The following ZFPM1 variants were observed in gnomAD, a reference collection of about 807,000 sequenced individuals.
ZFPM1 encodes the protein zinc finger protein, FOG family member 1.
ZFPM1 carries 28 observed loss-of-function variants against 46.3 expected under a neutral mutation model. The ratio of observed to expected loss-of-function variants is 0.60; its 90% CI spans 0.45 to 0.83. The LOEUF (loss-of-function observed/expected upper bound fraction) is 0.83. ZFPM1 is among the 40% of genes least tolerant of loss of function. The pLI is 0.00. For missense variants in ZFPM1, 1,878 were observed against 1,432.4 expected (o/e 1.31, Z -5.02); for synonymous variants, 957 against 675.9 (o/e 1.42, Z -6.45).
chr16:88,499,837 T>G (rs1200256586), intron 3 of ZFPM1, among the ~76,000 whole-genome samples: 3 of 152,160 alleles, frequency 2.0e-5, no homozygotes, highest in Non-Finnish European at 2.9e-5. Context: ...CCATCCAGCC[T>G]CTCCGGGTCC....
chr16:88,464,611 C>A (rs567798259), intron 1 of ZFPM1, among the ~76,000 whole-genome samples: 33 of 152,246 alleles, frequency 2.2e-4, no homozygotes, highest in African/African-American at 8.0e-4. Flanking sequence ...CCCCTACCCC[C>A]GCCATGGCAA....
chr16:88,534,420 C>A lies in ZFPM1; in HGVS notation c.2462C>A (p.Ala821Asp), dbSNP rs1364512367. The A allele has an allele frequency of 6.7e-7, 1 of 1,491,360 alleles. No individual in the cohort carries two copies. Among genetic ancestry groups the A allele is most frequent in the Non-Finnish European group, 8.9e-7 (1 of 1,127,692 alleles). The allele number at this position is 1,491,360 out of a possible 1,614,324, so 92.4% of individuals were successfully genotyped here. A position where few individuals can be genotyped will look rare whatever the true frequency, so the allele number is the denominator to read the frequency against. Residue 821 changes from alanine to aspartate, a missense_variant, in exon 10 of 10, where the codon GCC (alanine) becomes GAC (aspartate). By Grantham distance (126) the Ala-to-Asp change is moderately radical. Transcript: ENST00000319555. Reference sequence around the variant, plus strand: ...CTGGCCGACTACCACGAGTGCACGGCCTGCCGCGTGAGCTTCCACAGCCTC... The same window carrying A: ...CTGGCCGACTACCACGAGTGCACGGACTGCCGCGTGAGCTTCCACAGCCTC... ...PALADYHECTACRVSFHSLEA... is the reference protein window; with the variant it reads ...PALADYHECTDCRVSFHSLEA...
rs551300827 is a variant in ZFPM1 at position 88,471,295 on chromosome 16, G to T, written c.41-14644G>T. 2.6e-5 allele frequency among the ~76,000 whole-genome samples: 4 copies of T among 152,268 alleles called. No individual in the cohort carries two copies. The South Asian group carries it at 6.2e-4, about 24-fold the overall frequency. On this transcript the variant is annotated intron_variant, in intron 1 of 9. Transcript: ENST00000319555. The surrounding 1 kb of genome is among the most constrained non-coding windows in gnomAD (Gnocchi z 4.1). ...GACCTCCACCCTCGCGAAGGCCAGC[G>T]GCCGCAGGGTCTGGCTTGGGCTATA...
chr16:88,528,472 C>A (rs564348224), intron 6 of ZFPM1, among the ~76,000 whole-genome samples: 1 of 152,332 alleles, frequency 6.6e-6, no homozygotes, highest in South Asian at 2.1e-4. Flanking sequence ...AGCAGGCAAG[C>A]GGGCTTAGGC....
chr16:88,456,945 C>A (rs1435008532), intron 1 of ZFPM1, among the ~76,000 whole-genome samples: 1 of 152,188 alleles, frequency 6.6e-6, no homozygotes, highest in Non-Finnish European at 1.5e-5. Flanking sequence ...GAGGGAGGGT[C>A]CCTGAGCCCC....
In ZFPM1 at chr16:88,483,151, G is replaced by C. The variant is rs149752466; in HGVS notation, c.41-2788G>C. Among the ~76,000 whole-genome samples, 764 of 152,224 alleles carry C rather than the reference G, an allele frequency of 5.0e-3. 6 individuals carry two copies. The highest frequency in any genetic ancestry group is 0.017 in the African/African-American group (724 of 41,536). On this transcript the variant is annotated intron_variant, in intron 1 of 9. Coordinates refer to ENST00000319555, the MANE Select transcript of ZFPM1 (RefSeq NM_153813.3). ...AGCCCAGCCCCCTCCTATAATTACA[G>C]CTCTGAGGTGCTCTGAGGAGGCCGG...
At chr16:88,486,982 G>A (rs1047680833) in intron 2 of ZFPM1, among the ~76,000 whole-genome samples, 1 of 152,182 alleles carries the variant, frequency 6.6e-6, no homozygotes, top group Admixed American at 6.5e-5. Context: ...CCCAGGTCTG[G>A]GTTTAGCCTG....
At chr16:88,453,729 A>C in intron 1 of ZFPM1, 51 bp downstream of exon 1, 1 of 1,116,762 alleles carries the variant, frequency 9.0e-7, no homozygotes, top group Non-Finnish European at 1.1e-6. Flanking sequence ...CCCCCGCCGG[A>C]GCCCAGCCGC....
At chr16:88,529,910 C>G (rs1912649702) in intron 6 of ZFPM1, among the ~76,000 whole-genome samples, 1 of 152,160 alleles carries the variant, frequency 6.6e-6, no homozygotes, top group South Asian at 2.1e-4. Context: ...GCTGGTGACA[C>G]TGGAGAGAAC....
chr16:88,472,997 C>T (rs1057408347), intron 1 of ZFPM1, among the ~76,000 whole-genome samples: 1 of 152,264 alleles, frequency 6.6e-6, no homozygotes, highest in African/African-American at 2.4e-5. Flanking sequence ...CCCACCAGGA[C>T]GAGGGGCCAG....
intron 1 of ZFPM1, among the ~76,000 whole-genome samples, chr16:88,461,895 G>C (rs1268277762): frequency 1.3e-5 from 2 of 152,236 alleles, no homozygotes; most frequent in Non-Finnish European, 2.9e-5. Context: ...CTGGAGGCGT[G>C]ACATGTGTGA....
At chr16:88,494,233 CT>C (rs1909796811) in intron 3 of ZFPM1, among the ~76,000 whole-genome samples, 1 of 152,154 alleles carries the variant, frequency 6.6e-6, no homozygotes, top group Non-Finnish European at 1.5e-5. Flanking sequence ...TGGAACTCCC[CT>C]TTCCGCGGCC....
chr16:88,532,302 G>A (rs543472388), intron 7 of ZFPM1, 67 bp downstream of exon 7: 44 of 1,437,666 alleles, frequency 3.1e-5, no homozygotes, highest in East Asian at 2.2e-4. Flanking sequence ...CCCGCAGGCC[G>A]CCCGGGAAAA....
chr16:88,461,183 C>CGGGAGGCCTGGTGAGGACCGA (rs1907856948), intron 1 of ZFPM1, among the ~76,000 whole-genome samples: 4 of 34,716 alleles, frequency 1.2e-4, no homozygotes, highest in South Asian at 1.3e-3. Flanking sequence ...GACCGAGGGG[C>CGGGAGGCCTGGTGAGGACCGA]GGGGCGGGAG....
intron 6 of ZFPM1, 69 bp from the exon 7 acceptor site, chr16:88,531,933 C>A: frequency 1.4e-6 from 2 of 1,467,718 alleles, no homozygotes; most frequent in Non-Finnish European, 1.8e-6. Context: ...GGCCCTGCCT[C>A]CGCCCACAGC....
intron 1 of ZFPM1, among the ~76,000 whole-genome samples, chr16:88,474,566 C>T (rs992648375): frequency 1.3e-5 from 2 of 152,216 alleles, no homozygotes; most frequent in Non-Finnish European, 2.9e-5. Context: ...GTGCAGGGCT[C>T]CGTCCCACTT....
At chr16:88,503,978 C>T (rs1597257809) in intron 3 of ZFPM1, among the ~76,000 whole-genome samples, 1 of 151,704 alleles carries the variant, frequency 6.6e-6, no homozygotes, top group South Asian at 2.1e-4. Context: ...CGGTGGGTAC[C>T]AGCGTCCTCA....
intron 1 of ZFPM1, among the ~76,000 whole-genome samples, chr16:88,472,857 G>A (rs1443459458): frequency 2.6e-5 from 4 of 152,210 alleles, no homozygotes; most frequent in African/African-American, 9.6e-5. Flanking sequence ...CCTAGGCTCC[G>A]CCTCTGTGGG....
chr16:88,532,326 ACACACGGTGC>A, intron 7 of ZFPM1, 91 bp downstream of exon 7: 1 of 1,264,000 alleles, frequency 7.9e-7, no homozygotes, highest in Non-Finnish European at 1.1e-6. Flanking sequence ...ACATGCAAGC[ACACACGGTGC>A]CACCATTCAC....
Sources: gnomAD v4.1 joint callset for allele counts (sites outside exome capture counted in the v4.1 genomes callset) on GRCh38, gnomAD v4.1.1 for gene constraint, Gnocchi (gnomAD v3.1) non-coding constraint, MANE v1.5 for transcripts, NCBI Gene and HGNC (gene_info 2026-07-23, HGNC 2026-07-21) for gene names.